Variants in CYTH1 observed in about 807,000 individuals in gnomAD.
The protein encoded by CYTH1 is cytohesin 1, also known as cytohesin-1.
Under a neutral mutation model 61.8 loss-of-function variants are expected in CYTH1, and 18 were observed. The observed-to-expected ratio is 0.29, with a 90% CI of 0.20 to 0.43. The LOEUF is 0.43. Among genes scored for constraint, CYTH1 ranks in the 20% least tolerant of loss-of-function variants. The probability of loss-of-function intolerance (pLI) is 1.00; values close to 1 mark genes in which losing one functional copy is unlikely to be tolerated. For missense variants in CYTH1, 336 were observed against 510.5 expected (o/e 0.66, Z 3.29); for synonymous variants, 174 against 184.3 (o/e 0.94, Z 0.45).
At chr17:78,681,325 G>C (rs761799706) in intron 11 of CYTH1, among the ~76,000 whole-genome samples, 1 of 152,104 alleles carries the variant, frequency 6.6e-6, no homozygotes, top group Non-Finnish European at 1.5e-5. Context: ...CCTCAAGCAG[G>C]GAGTGTGCGG....
chr17:78,743,333 T>C (rs907987130), intron 1 of CYTH1, among the ~76,000 whole-genome samples: 6 of 152,152 alleles, frequency 3.9e-5, no homozygotes, highest in Non-Finnish European at 5.9e-5. Flanking sequence ...TACACCAGAC[T>C]CCACACTGGT....
Position 78,717,861 on chromosome 17 carries a change from C to T in CYTH1, c.23-8129G>A, listed in dbSNP as rs2093195275. Among the ~76,000 whole-genome samples the T allele has an allele frequency of 5.3e-5, 8 of 152,252 alleles. No individual in the cohort carries two copies. In the South Asian group the frequency reaches 1.7e-3, roughly 32 times the overall value. Reference sequence around the variant, plus strand: ...GACCAGGATGTCTCTTTGAGGTCATCCAGCTGGCACCAGACCCCTCTGCCT... The same window carrying T: ...GACCAGGATGTCTCTTTGAGGTCATTCAGCTGGCACCAGACCCCTCTGCCT... On this transcript the variant is annotated intron_variant, in intron 1 of 13. Transcript: ENST00000446868. The surrounding 1 kb of genome is among the most constrained non-coding windows in gnomAD (Gnocchi z 4.4).
intron 1 of CYTH1, among the ~76,000 whole-genome samples, chr17:78,779,656 C>T (rs1197068222): frequency 1.3e-5 from 2 of 151,926 alleles, no homozygotes; most frequent in East Asian, 1.9e-4. Flanking sequence ...GGTAGGAGGT[C>T]GAGAGAAATG....
rs907592383 is a variant in CYTH1 at position 78,756,995 on chromosome 17, T to C, written c.22+25207A>G. Among the ~76,000 whole-genome samples, 43 of 148,314 alleles carry C rather than the reference T, an allele frequency of 2.9e-4. 2 individuals are homozygous for C. The highest frequency in any genetic ancestry group is 1.0e-3 in the African/African-American group (42 of 40,458). On this transcript the variant is annotated intron_variant, in intron 1 of 13. Coordinates refer to ENST00000446868, the MANE Select transcript of CYTH1 (RefSeq NM_004762.6). ...AATTTTTTTCTTTTTTTTCTTTTTT[T>C]TTTTTTTTTTTGAGATGGAGTCTCG...
intron 3 of CYTH1, among the ~76,000 whole-genome samples, chr17:78,707,197 G>T (rs539659151): frequency 6.6e-6 from 1 of 152,248 alleles, no homozygotes; most frequent in African/African-American, 2.4e-5. Flanking sequence ...TACCCTGAAG[G>T]CACTGCCCAC....
intron 1 of CYTH1, among the ~76,000 whole-genome samples, chr17:78,780,166 G>A (rs1306461421): frequency 6.6e-6 from 1 of 152,222 alleles, no homozygotes. Context: ...GGGCAGGAGT[G>A]AAATCTGGAG....
chr17:78,701,671 C>T lies in CYTH1; in HGVS notation c.437G>A (p.Arg146Gln), dbSNP rs771332106. The change falls in exon 6 of 14, where the codon CGG becomes CAG. Residue 146 changes from arginine to glutamine, a missense_variant and splice_region_variant. Physicochemically the swap from Arg to Gln is conservative, Grantham distance 43. Coordinates refer to ENST00000446868, the MANE Select transcript of CYTH1 (RefSeq NM_004762.6). ...FTDLNLVQAL[R>Q]QFLWSFRLPG... is the part of the protein sequence containing the mutation. Reference sequence around the variant, plus strand: ...AGGGGCTCACCTCAAGAATACTCACCGTAGTGCCTGGACGAGATTAAGATC... The same window carrying T: ...AGGGGCTCACCTCAAGAATACTCACTGTAGTGCCTGGACGAGATTAAGATC... The T allele has an allele frequency of 3.1e-6, 5 of 1,614,142 alleles. No homozygotes were observed. Among genetic ancestry groups the T allele is most frequent in the South Asian group, 2.2e-5 (2 of 91,064 alleles).
intron 1 of CYTH1, among the ~76,000 whole-genome samples, chr17:78,764,298 G>A (rs1212756436): frequency 6.7e-6 from 1 of 149,252 alleles, no homozygotes; most frequent in African/African-American, 2.5e-5. Flanking sequence ...CTGGGTTCAA[G>A]CAATTCTCCT....
chr17:78,733,076 C>CAAAAAAAAAAAAA (rs56020680), intron 1 of CYTH1, among the ~76,000 whole-genome samples: 1 of 47,722 alleles, frequency 2.1e-5, no homozygotes, highest in African/African-American at 9.6e-5. Flanking sequence ...GACTCCATCT[C>CAAAAAAAAAAAAA]AAAAAAAAAA....
intron 1 of CYTH1, among the ~76,000 whole-genome samples, chr17:78,769,766 T>C (rs746948135): frequency 6.6e-6 from 1 of 152,192 alleles, no homozygotes; most frequent in Non-Finnish European, 1.5e-5. Flanking sequence ...CCTGTAATTC[T>C]GACACTTTGG....
intron 3 of CYTH1, among the ~76,000 whole-genome samples, chr17:78,705,389 C>G (rs886230783): frequency 6.6e-6 from 1 of 152,140 alleles, no homozygotes; most frequent in Non-Finnish European, 1.5e-5. Flanking sequence ...CTCTAAGTGG[C>G]TTTCCCCAGC....
chr17:78,708,715 G>C (rs990840568), intron 2 of CYTH1, among the ~76,000 whole-genome samples: 1 of 152,238 alleles, frequency 6.6e-6, no homozygotes, highest in African/African-American at 2.4e-5. Context: ...GGCTGGCAAA[G>C]GGAATGTCTG....
chr17:78,736,696 C>G, intron 1 of CYTH1: 1 of 413,990 alleles, frequency 2.4e-6, no homozygotes, highest in South Asian at 1.8e-5. Flanking sequence ...ACTCACCGTC[C>G]TCCTCTTCGG....
In CYTH1 at chr17:78,676,821, G is replaced by A. The variant is rs4796806; in HGVS notation, c.1119-652C>T. 3.7e-3 allele frequency: 1,328 copies of A among 362,096 alleles called. 28 individuals carry two copies. The highest frequency in any genetic ancestry group is 0.034 in the East Asian group (454 of 13,272). 22.4% of individuals were successfully genotyped at this position (362,096 alleles called of 1,614,324 possible). Reference sequence around the variant, plus strand: ...AGCGCAGGCCGCGCCGCGGGCTGGAGCACCTGCAGTGGACTGGCAACACCA... The same window carrying A: ...AGCGCAGGCCGCGCCGCGGGCTGGAACACCTGCAGTGGACTGGCAACACCA... On this transcript the variant is annotated intron_variant, in intron 13 of 13. Transcript: ENST00000446868.
intron 1 of CYTH1, among the ~76,000 whole-genome samples, chr17:78,772,206 G>A (rs966291689): frequency 6.6e-6 from 1 of 152,164 alleles, no homozygotes; most frequent in African/African-American, 2.4e-5. Context: ...CAGGAAAGGT[G>A]TGGAACAATA....
chr17:78,675,899 C>A lies in CYTH1; in HGVS notation c.*192G>T. 1 of 1,509,630 alleles carries A rather than the reference C, an allele frequency of 6.6e-7. No individual in the cohort carries two copies. 93.5% of individuals were successfully genotyped at this position (1,509,630 alleles called of 1,614,324 possible). ...AGCCCATGCTGGACAGGTGGCCGGT[C>A]CTCTCTTCCCCAGTGATAACTGCCC... is the stretch of plus-strand genomic sequence containing the variant. On this transcript the variant is annotated 3_prime_UTR_variant, in exon 14 of 14. Transcript: ENST00000446868.
chr17:78,696,332 C>T (rs1251257671), intron 9 of CYTH1, among the ~76,000 whole-genome samples: 1 of 152,194 alleles, frequency 6.6e-6, no homozygotes, highest in African/African-American at 2.4e-5. Context: ...ACTAGTATAT[C>T]CAGAATCAGA....
intron 12 of CYTH1, 73 bp downstream of exon 12, chr17:78,680,898 G>T: frequency 6.6e-7 from 1 of 1,506,900 alleles, no homozygotes; most frequent in Non-Finnish European, 9.1e-7. Flanking sequence ...TTTTGGTTTT[G>T]AGTTTTTTAA....
chr17:78,681,109 GC>G, intron 11 of CYTH1, 67 bp from the exon 12 acceptor site: 1 of 1,526,952 alleles, frequency 6.5e-7, no homozygotes, highest in Non-Finnish European at 9.0e-7. Context: ...CAGATTCCTC[GC>G]CGGTGACTCA....
Sources: allele counts gnomAD v4.1 joint callset (sites outside exome capture counted in the v4.1 genomes callset), GRCh38; gene constraint gnomAD v4.1.1; non-coding constraint Gnocchi (gnomAD v3.1); transcripts MANE v1.5; gene names NCBI Gene and HGNC (gene_info 2026-07-23, HGNC 2026-07-21).